Variants in NDST4 observed in about 807,000 individuals in gnomAD.
NDST4 encodes N-heparan sulfate sulfotransferase 4.
A neutral mutation model predicts 100.8 loss-of-function variants in NDST4; 63 were observed. The ratio of observed to expected loss-of-function variants is 0.62; its 90% CI spans 0.51 to 0.77. The LOEUF (loss-of-function observed/expected upper bound fraction) is 0.77, where lower values mean the gene tolerates loss of function less well. NDST4 is among the 30% of genes least tolerant of loss of function. The pLI is 0.00. For synonymous variants in NDST4, 377 were observed against 361.8 expected, an observed-to-expected ratio of 1.04 and a Z score of -0.48; for missense variants, 943 against 1,018.4, an observed-to-expected ratio of 0.93 and a Z score of 1.01.
At chr4:114,986,886 T>TA (rs1288974421) in intron 2 of NDST4, among the ~76,000 whole-genome samples, 2 of 146,114 alleles carry the variant, frequency 1.4e-5, no homozygotes, top group South Asian at 4.3e-4. Context: ...TTATAACTTA[T>TA]AAAATTTTTT....
At chr4:115,066,506 G>C (rs1728950450) in intron 2 of NDST4, among the ~76,000 whole-genome samples, 1 of 152,044 alleles carries the variant, frequency 6.6e-6, no homozygotes, top group African/African-American at 2.4e-5. Flanking sequence ...GTAAGTTTGA[G>C]GTTCTCTGAG....
At chr4:115,027,372 T>C (rs868236362) in intron 2 of NDST4, among the ~76,000 whole-genome samples, 1 of 152,174 alleles carries the variant, frequency 6.6e-6, no homozygotes, top group East Asian at 1.9e-4. Context: ...GGTGAGATCA[T>C]TGTATCTCAA....
intron 2 of NDST4, among the ~76,000 whole-genome samples, chr4:115,070,912 G>C (rs530167): frequency 0.24 from 36,764 of 151,686 alleles, 5,978 homozygotes; most frequent in East Asian, 0.46. Context: ...TGATGCCAGC[G>C]TGGCCAACAT....
intron 4 of NDST4, among the ~76,000 whole-genome samples, chr4:114,943,138 T>A (rs1725786353): frequency 6.7e-6 from 1 of 149,118 alleles, no homozygotes; most frequent in Non-Finnish European, 1.5e-5. Flanking sequence ...AAGATAACAT[T>A]ATTAGATCCC....
intron 2 of NDST4, among the ~76,000 whole-genome samples, chr4:115,071,550 G>T (rs543250627): frequency 1.3e-5 from 2 of 151,824 alleles, no homozygotes; most frequent in East Asian, 1.9e-4. Context: ...ATTCAAATAG[G>T]TATTTCATAT....
intron 2 of NDST4, among the ~76,000 whole-genome samples, chr4:115,070,833 G>A (rs943928732): frequency 9.9e-5 from 15 of 152,072 alleles, no homozygotes; most frequent in South Asian, 6.2e-4. Flanking sequence ...GGCCGGGCAC[G>A]GTGGCTCATG....
At chr4:114,862,254 C>T (rs1270949719) in intron 7 of NDST4, among the ~76,000 whole-genome samples, 3 of 152,192 alleles carry the variant, frequency 2.0e-5, no homozygotes, top group Non-Finnish European at 4.4e-5. Flanking sequence ...ATCCCCAATG[C>T]TGTCTTTCAT....
chr4:114,872,491 T>C lies in NDST4; in HGVS notation c.1537-1541A>G, dbSNP rs142938987. Among the ~76,000 whole-genome samples, 1,114 of 152,076 alleles carry C rather than the reference T, an allele frequency of 7.3e-3. 7 individuals carry two copies. Among genetic ancestry groups the C allele is most frequent in the Non-Finnish European group, 0.012 (794 of 67,882 alleles). ...ATTGTGGAAAAGATAGTCTCTATTA[T>C]GTGTCATACTAGAATACTGAAAAAA... On this transcript the variant is annotated intron_variant, in intron 6 of 13. Transcript: ENST00000264363.
chr4:114,970,160 T>C (rs1726477922), intron 4 of NDST4, among the ~76,000 whole-genome samples: 2 of 147,850 alleles, frequency 1.4e-5, no homozygotes. Flanking sequence ...ACAAGAGTAG[T>C]CATCTCGTAA....
intron 4 of NDST4, among the ~76,000 whole-genome samples, chr4:114,952,343 T>C (rs1445083187): frequency 6.6e-6 from 1 of 152,052 alleles, no homozygotes; most frequent in African/African-American, 2.4e-5. Flanking sequence ...AAACAGCTGC[T>C]TGACAAGAAA....
chr4:115,047,483 T>C (rs574870724), intron 2 of NDST4, among the ~76,000 whole-genome samples: 7 of 152,270 alleles, frequency 4.6e-5, no homozygotes, highest in Non-Finnish European at 8.8e-5. Flanking sequence ...ATAGCATATA[T>C]ATTTATCTTT....
In NDST4 at chr4:114,906,372, C is replaced by T. The variant is rs761971715; in HGVS notation, c.1536+28834G>A. ...TTTTCTATCATGTTATCTTCTCTAG[C>T]GGCATTTTTTTTTGTTATGAAAGGA... On this transcript the variant is annotated intron_variant, in intron 6 of 13. Coordinates refer to ENST00000264363, the MANE Select transcript of NDST4 (RefSeq NM_022569.3). 1.6e-4 allele frequency among the ~76,000 whole-genome samples: 24 copies of T among 150,374 alleles called. No homozygotes were observed. In the East Asian group the frequency reaches 4.3e-3, roughly 27 times the overall value.
intron 4 of NDST4, among the ~76,000 whole-genome samples, chr4:114,940,765 G>T (rs1283410636): frequency 6.6e-6 from 1 of 152,150 alleles, no homozygotes; most frequent in Non-Finnish European, 1.5e-5. Context: ...TGTGGGGCGG[G>T]TTTATTGAGT....
chr4:115,014,635 T>C (rs911011104), intron 2 of NDST4, among the ~76,000 whole-genome samples: 1 of 152,052 alleles, frequency 6.6e-6, no homozygotes, highest in Non-Finnish European at 1.5e-5. Flanking sequence ...GCTGTGTCAC[T>C]TGGGTTATAT....
chr4:115,049,464 C>A (rs771154591), intron 2 of NDST4, among the ~76,000 whole-genome samples: 1 of 151,902 alleles, frequency 6.6e-6, no homozygotes, highest in Non-Finnish European at 1.5e-5. Context: ...GTTTGGTAGA[C>A]CCCTACACTA....
chr4:115,109,323 G>A (rs758278452), intron 1 of NDST4, among the ~76,000 whole-genome samples: 4 of 151,798 alleles, frequency 2.6e-5, no homozygotes, highest in Non-Finnish European at 5.9e-5. Flanking sequence ...TTAAAAGGAG[G>A]CTAAATATTT....
intron 6 of NDST4, among the ~76,000 whole-genome samples, chr4:114,932,503 G>A (rs1578397274): frequency 2.0e-5 from 3 of 151,814 alleles, no homozygotes; most frequent in Middle Eastern, 6.8e-3. Flanking sequence ...CAGAGAAACT[G>A]GGCAAGAGAA....
At chr4:115,043,098 A>C (rs571404610) in intron 2 of NDST4, among the ~76,000 whole-genome samples, 36 of 152,162 alleles carry the variant, frequency 2.4e-4, no homozygotes, top group Admixed American at 8.5e-4. Context: ...GTCTACTCTC[A>C]GTCTAGGCCA....
At chr4:114,917,048 C>T (rs907476864) in intron 6 of NDST4, among the ~76,000 whole-genome samples, 17 of 152,120 alleles carry the variant, frequency 1.1e-4, no homozygotes, top group African/African-American at 3.6e-4. Flanking sequence ...CTTGCAAATA[C>T]CAAACTTAAT....
Sources: allele counts gnomAD v4.1 joint callset (sites outside exome capture counted in the v4.1 genomes callset), GRCh38; gene constraint gnomAD v4.1.1; transcripts MANE v1.5; gene names NCBI Gene and HGNC (gene_info 2026-07-23, HGNC 2026-07-21).